Variants in MOBP observed in about 807,000 individuals in gnomAD.
MOBP encodes myelin-associated oligodendrocyte basic protein.
A neutral mutation model predicts 15.0 loss-of-function variants in MOBP; 5 were observed. That is an observed-to-expected ratio of 0.33 (90% CI 0.17 to 0.70). The LOEUF is 0.70. Ranked by LOEUF, MOBP falls within the 30% of genes least tolerant of loss-of-function variation. The probability of loss-of-function intolerance (pLI) is 0.67; values close to 1 mark genes in which losing one functional copy is unlikely to be tolerated. For missense variants in MOBP, 188 were observed against 257.8 expected (o/e 0.73, Z 1.85); for synonymous variants, 88 against 99.0 (o/e 0.89, Z 0.66).
At chr3:39,529,308 C>T (rs1212992951), downstream of MOBP, 1 of 152,140 alleles carries the variant, frequency 6.6e-6, no homozygotes, top group Admixed American at 6.5e-5. Context: ...ATAGGAAATA[C>T]ATGAAGAAAC....
rs958902642 is a variant in MOBP at position 39,488,145 on chromosome 3, A to T, written c.-5+8022A>T. ...GTGAATAAAATTTTTTTCAGTAATT[A>T]TTTTTTTCCATACTCCCTCTCTTCC... On this transcript the variant is annotated intron_variant, in intron 2 of 3. Transcript: ENST00000684792. Among the ~76,000 whole-genome samples the T allele has an allele frequency of 1.8e-4, 27 of 151,872 alleles. 1 individual carries two copies.
downstream of MOBP, among the ~76,000 whole-genome samples, chr3:39,518,118 G>A (rs1376916972): frequency 6.6e-6 from 1 of 152,100 alleles, no homozygotes; most frequent in Admixed American, 6.6e-5. Context: ...ATTGGATTTC[G>A]AAGCATATGC....
At chr3:39,510,472 T>A (rs1046047958) in intron 4 of MOBP, among the ~76,000 whole-genome samples, 1 of 152,140 alleles carries the variant, frequency 6.6e-6, no homozygotes, top group South Asian at 2.1e-4. Flanking sequence ...TCTCTCTATT[T>A]ATTTAGGTCT....
intron 1 of MOBP, among the ~76,000 whole-genome samples, chr3:39,469,219 TAC>T (rs1400681442): frequency 2.3e-5 from 3 of 130,296 alleles, no homozygotes; most frequent in East Asian, 4.1e-4. Flanking sequence ...TGTGTGTATA[TAC>T]ATATATACAT....
chr3:39,493,504 A>T (rs2042831229), intron 2 of MOBP, among the ~76,000 whole-genome samples: 1 of 152,132 alleles, frequency 6.6e-6, no homozygotes, highest in Non-Finnish European at 1.5e-5. Flanking sequence ...GGACTGCTAG[A>T]GAGCATCTGG....
downstream of MOBP, among the ~76,000 whole-genome samples, chr3:39,520,975 C>G (rs2125675288): frequency 6.7e-6 from 1 of 150,320 alleles, no homozygotes; most frequent in South Asian, 2.1e-4. Context: ...TTGACAGAGT[C>G]TTGCTCTGTT....
downstream of MOBP, among the ~76,000 whole-genome samples, chr3:39,503,658 T>TATTATTATTTATTTA (rs1553619059): frequency 1.2e-4 from 18 of 147,990 alleles, no homozygotes; most frequent in African/African-American, 3.5e-4. Context: ...CTGGCCAATT[T>TATTATTATTTATTTA]TTTATTTATT....
chr3:39,512,897 A>G (rs1559427954), intron 4 of MOBP, among the ~76,000 whole-genome samples: 1 of 152,188 alleles, frequency 6.6e-6, no homozygotes, highest in African/African-American at 2.4e-5. Context: ...TATAATGTCT[A>G]ATGTCTTTAT....
rs1226985325 is a variant in MOBP, at chr3:39,483,491, A to G, written c.-5+3368A>G. Among the ~76,000 whole-genome samples, 3 of 152,232 alleles carry G rather than the reference A, an allele frequency of 2.0e-5. No homozygotes were observed. The East Asian group carries it at 5.8e-4, about 29-fold the overall frequency. ...ACCCCTGGAAAACCCAAGGCAGCTT[A>G]GTAGCTATCACCACTCACTAGTTGT... On this transcript the variant is annotated intron_variant, in intron 2 of 3. Coordinates refer to ENST00000684792, the MANE Select transcript of MOBP (RefSeq NM_001393704.1).
chr3:39,494,358 C>T (rs1575302534), intron 2 of MOBP, among the ~76,000 whole-genome samples: 1 of 152,052 alleles, frequency 6.6e-6, no homozygotes, highest in African/African-American at 2.4e-5. Context: ...TCTTTGGATC[C>T]TTCCCTTCAC....
intron 2 of MOBP, among the ~76,000 whole-genome samples, chr3:39,488,859 G>A (rs1187057921): frequency 2.0e-5 from 3 of 152,102 alleles, no homozygotes; most frequent in Non-Finnish European, 4.4e-5. Context: ...TGTCTCCCTG[G>A]TTTTCCTATT....
At chr3:39,477,944 A>C (rs1323005194) in intron 1 of MOBP, among the ~76,000 whole-genome samples, 1 of 152,194 alleles carries the variant, frequency 6.6e-6, no homozygotes, top group African/African-American at 2.4e-5. Context: ...TTTTAAGCTA[A>C]GTGTTATTAC....
At chr3:39,513,653 AGCAGCACCC>A (rs755074379) in exon 5 of MOBP, 17 of 547,736 alleles carry the variant, frequency 3.1e-5, no homozygotes, top group Middle Eastern at 3.7e-4. Context: ...AGGGGGTTCC[AGCAGCACCC>A]GCAGGCTCTA....
At chr3:39,488,721 A>G (rs576270462) in intron 2 of MOBP, among the ~76,000 whole-genome samples, 71 of 152,132 alleles carry the variant, frequency 4.7e-4, no homozygotes, top group Admixed American at 1.4e-3. Context: ...CGCTTAAGTC[A>G]TAAGTGTGGC....
intron 2 of MOBP, among the ~76,000 whole-genome samples, chr3:39,487,922 C>T (rs901526128): frequency 4.6e-5 from 7 of 152,138 alleles, no homozygotes; most frequent in Non-Finnish European, 1.0e-4. Flanking sequence ...GTAAGAAATG[C>T]ATGAAGTTCT....
At chr3:39,499,827 G>A in intron 2 of MOBP, 1 of 342,068 alleles carries the variant, frequency 2.9e-6, no homozygotes, top group Non-Finnish European at 5.7e-6. Context: ...ATAGGATGAG[G>A]GCTCTCGGGG....
At chr3:39,522,981 CAG>C (rs2043288438) in intron 3 of MOBP, among the ~76,000 whole-genome samples, 1 of 152,238 alleles carries the variant, frequency 6.6e-6, no homozygotes, top group African/African-American at 2.4e-5. Flanking sequence ...AAGAAATAGG[CAG>C]AGTCCTTCCT....
Position 39,500,078 on chromosome 3 carries a change from T to C in MOBP, c.-4-1988T>C, listed in dbSNP as rs994009861. Reference sequence around the variant, plus strand: ...TCCTCTACCTACAAGGTGAGCTCATTGTGAGCAGGATGTTTATCTGCTCTA... The same window carrying C: ...TCCTCTACCTACAAGGTGAGCTCATCGTGAGCAGGATGTTTATCTGCTCTA... On this transcript the variant is annotated intron_variant, in intron 2 of 3. Transcript: ENST00000684792. The C allele has an allele frequency of 1.1e-5, 5 of 456,230 alleles. No individual in the cohort carries two copies. The Admixed American group carries it at 1.2e-4, about 11-fold the overall frequency. 28.3% of individuals were successfully genotyped at this position (456,230 alleles called of 1,614,324 possible). A position where few individuals can be genotyped will look rare whatever the true frequency, so the allele number is the denominator to read the frequency against.
At chr3:39,522,166 A>G (rs868575013) in intron 3 of MOBP, among the ~76,000 whole-genome samples, 1 of 152,330 alleles carries the variant, frequency 6.6e-6, no homozygotes. Flanking sequence ...TACTTGTGTG[A>G]TCTTGGACAA....
Sources: allele counts gnomAD v4.1 joint callset (sites outside exome capture counted in the v4.1 genomes callset), GRCh38; gene constraint gnomAD v4.1.1; transcripts MANE v1.5; gene names NCBI Gene and HGNC (gene_info 2026-07-23, HGNC 2026-07-21).